RNF130: variants seen among roughly 807,000 people sequenced by gnomAD.
The protein encoded by RNF130 is E3 ubiquitin-protein ligase RNF130.
RNF130 carries 21 observed loss-of-function variants against 44.6 expected under a neutral mutation model. That is an observed-to-expected ratio of 0.47 (90% confidence interval 0.33 to 0.68). The LOEUF (loss-of-function observed/expected upper bound fraction) is 0.68, where lower values mean the gene tolerates loss of function less well. RNF130 is among the 30% of genes least tolerant of loss of function. The pLI is 0.02. For synonymous variants in RNF130, 214 were observed against 210.4 expected, an observed-to-expected ratio of 1.02 and a Z score of -0.15; for missense variants, 479 against 560.6, an observed-to-expected ratio of 0.85 and a Z score of 1.47.
chr5:180,001,583 G>C (rs1232720226), intron 3 of RNF130, among the ~76,000 whole-genome samples: 2 of 152,150 alleles, frequency 1.3e-5, no homozygotes, highest in South Asian at 4.1e-4. Context: ...CAAGGGTCTG[G>C]CTGCAATTCA....
intron 1 of RNF130, among the ~76,000 whole-genome samples, chr5:180,044,320 T>C (rs1764504129): frequency 6.6e-6 from 1 of 152,142 alleles, no homozygotes; most frequent in Non-Finnish European, 1.5e-5. Context: ...AGATAGATAA[T>C]ACAAAATATT....
chr5:179,939,571 C>T (rs998406133), intron 7 of RNF130: 44 of 338,582 alleles, frequency 1.3e-4, no homozygotes, highest in Middle Eastern at 1.0e-3. Flanking sequence ...ATGTTTCTGC[C>T]GTTAACCATT....
intron 5 of RNF130, among the ~76,000 whole-genome samples, chr5:179,971,877 A>G (rs938198199): frequency 6.6e-6 from 1 of 152,122 alleles, no homozygotes; most frequent in Non-Finnish European, 1.5e-5. Flanking sequence ...ATATACACAC[A>G]CGTCTGCCTA....
chr5:180,048,778 A>G (rs1045012457), intron 1 of RNF130, among the ~76,000 whole-genome samples: 1 of 152,174 alleles, frequency 6.6e-6, no homozygotes, highest in African/African-American at 2.4e-5. Flanking sequence ...GCTTCATCCT[A>G]AGAGTCCCCT....
At chr5:180,045,434 A>G (rs974010358) in intron 1 of RNF130, among the ~76,000 whole-genome samples, 1 of 152,222 alleles carries the variant, frequency 6.6e-6, no homozygotes. Context: ...TGAGTGTTAC[A>G]GCTCATAAAG....
At chr5:179,968,602 G>T (rs1387705431) in intron 6 of RNF130, among the ~76,000 whole-genome samples, 1 of 149,276 alleles carries the variant, frequency 6.7e-6, no homozygotes, top group African/African-American at 2.5e-5. Flanking sequence ...GGAGGTGGAG[G>T]TTGCAGTGAG....
At chr5:179,922,789 C>A (rs1223824593) in intron 7 of RNF130, among the ~76,000 whole-genome samples, 1 of 152,008 alleles carries the variant, frequency 6.6e-6, no homozygotes, top group Non-Finnish European at 1.5e-5. Flanking sequence ...CAAAAAGTAG[C>A]CAGGTGTGGT....
intron 2 of RNF130, among the ~76,000 whole-genome samples, chr5:180,019,462 C>A (rs1763823662): frequency 6.6e-6 from 1 of 152,194 alleles, no homozygotes; most frequent in South Asian, 2.1e-4. Context: ...CAGGGTCAAG[C>A]TGCACATGGG....
chr5:179,965,782 C>T (rs1170498682), intron 7 of RNF130, among the ~76,000 whole-genome samples: 2 of 152,174 alleles, frequency 1.3e-5, no homozygotes, highest in Non-Finnish European at 2.9e-5. Context: ...ACACAGATGA[C>T]AGAATACAAC....
exon 8 of RNF130, chr5:179,919,948 A>G (rs1429796040): frequency 5.3e-6 from 1 of 188,106 alleles, no homozygotes; most frequent in African/African-American, 2.3e-5. Context: ...CAGGGACCAC[A>G]AAAGGATGTT....
chr5:180,045,559 C>G (rs1319967758), intron 1 of RNF130, among the ~76,000 whole-genome samples: 1 of 152,218 alleles, frequency 6.6e-6, no homozygotes, highest in East Asian at 1.9e-4. Flanking sequence ...GCTCGGGCAG[C>G]CTGCTTTTAT....
chr5:180,029,482 TAACCAAG>T (rs1481547431), intron 2 of RNF130, among the ~76,000 whole-genome samples: 3 of 152,204 alleles, frequency 2.0e-5, no homozygotes, highest in Admixed American at 2.0e-4. Flanking sequence ...ATAAAAGCTC[TAACCAAG>T]AACCAAGAAT....
chr5:179,990,069 G>A (rs996241818), intron 3 of RNF130, among the ~76,000 whole-genome samples: 7 of 152,094 alleles, frequency 4.6e-5, no homozygotes, highest in Admixed American at 3.3e-4. Context: ...GTGTGGAGAC[G>A]AGAGATTGCA....
intron 3 of RNF130, among the ~76,000 whole-genome samples, chr5:180,000,658 A>C (rs75358254): frequency 1.3e-5 from 2 of 152,068 alleles, no homozygotes; most frequent in African/African-American, 4.8e-5. Context: ...TCTTTCTTAC[A>C]TATGATCAAG....
chr5:180,041,796 C>T (rs1026978159), intron 1 of RNF130, among the ~76,000 whole-genome samples: 9 of 152,154 alleles, frequency 5.9e-5, no homozygotes, highest in Non-Finnish European at 2.9e-5. Flanking sequence ...AAAAGCAAGG[C>T]GAGGTGTGGT....
At chr5:179,951,140 C>A (rs561490895), downstream of RNF130, among the ~76,000 whole-genome samples, 1 of 152,170 alleles carries the variant, frequency 6.6e-6, no homozygotes, top group East Asian at 1.9e-4. Flanking sequence ...GTATGAATAA[C>A]CAGTGCAGCT....
chr5:179,937,265 A>G (rs1262477983), intron 7 of RNF130, among the ~76,000 whole-genome samples: 1 of 152,218 alleles, frequency 6.6e-6, no homozygotes, highest in Non-Finnish European at 1.5e-5. Context: ...CGAATACACA[A>G]CTTATAGAAT....
At chr5:179,936,834 G>A (rs867052386) in intron 7 of RNF130, among the ~76,000 whole-genome samples, 1 of 152,154 alleles carries the variant, frequency 6.6e-6, no homozygotes, top group South Asian at 2.1e-4. Context: ...ATGGCCAAGG[G>A]TTCCAAGACC....
chr5:179,920,056 CAGCCAG>C (rs1232626721), exon 8 of RNF130: 13 of 422,624 alleles, frequency 3.1e-5, no homozygotes, highest in Admixed American at 3.6e-5. Flanking sequence ...TCTCTGGAAA[CAGCCAG>C]CCTTGCTGGG....
Sources: gnomAD v4.1 joint callset for allele counts (sites outside exome capture counted in the v4.1 genomes callset) on GRCh38, gnomAD v4.1.1 for gene constraint, MANE v1.5 for transcripts, NCBI Gene and HGNC (gene_info 2026-07-23, HGNC 2026-07-21) for gene names.